Variants in LIMK1 observed in about 807,000 individuals in gnomAD.
The protein encoded by LIMK1 is LIM motif-containing protein kinase.
LIMK1 carries 21 observed loss-of-function variants against 77.6 expected under a neutral mutation model. The observed-to-expected ratio is 0.27, with a 90% confidence interval of 0.19 to 0.39. The LOEUF (loss-of-function observed/expected upper bound fraction) is 0.39, where lower values mean the gene tolerates loss of function less well. Among genes scored for constraint, LIMK1 ranks in the 10% least tolerant of loss-of-function variants. LIMK1 has a pLI of 1.00. For synonymous variants in LIMK1, 358 were observed against 370.0 expected (o/e 0.97, Z 0.37); for missense variants, 696 against 901.6 (o/e 0.77, Z 2.92).
chr7:74,091,115 G>A lies in LIMK1; in HGVS notation c.152+5271G>A, dbSNP rs561618653. Among the ~76,000 whole-genome samples, 7 of 152,104 alleles carry A rather than the reference G, an allele frequency of 4.6e-5. 1 individual carries two copies. In the South Asian group the frequency reaches 1.0e-3, roughly 23 times the overall value. On this transcript the variant is annotated intron_variant, in intron 2 of 15. Coordinates refer to ENST00000336180, the MANE Select transcript of LIMK1 (RefSeq NM_002314.4). ...GTTTGTTTGTATTTTTAGTACAGAC[G>A]AGGTTTCGCTGTGTGAGCCAGGATG... is the stretch of plus-strand genomic sequence containing the variant.
chr7:74,118,369 CTG>C (rs1214872763), intron 13 of LIMK1, among the ~76,000 whole-genome samples: 1 of 134,072 alleles, frequency 7.5e-6, no homozygotes, highest in Non-Finnish European at 1.6e-5. Context: ...GAGTGGGACT[CTG>C]TGTCAAACAC....
intron 13 of LIMK1, among the ~76,000 whole-genome samples, chr7:74,116,867 A>C (rs1799823733): frequency 6.6e-6 from 1 of 151,334 alleles, no homozygotes; most frequent in African/African-American, 2.4e-5. Context: ...ACACCCAGCT[A>C]ATTTTTTTAT....
chr7:74,116,861 C>A (rs782380720), intron 13 of LIMK1, among the ~76,000 whole-genome samples: 1 of 151,792 alleles, frequency 6.6e-6, no homozygotes, highest in Admixed American at 6.6e-5. Context: ...AACACCACAC[C>A]CAGCTAATTT....
intron 2 of LIMK1, 69 bp from the exon 3 acceptor site, chr7:74,096,553 C>A: frequency 6.3e-7 from 1 of 1,589,794 alleles, no homozygotes; most frequent in Non-Finnish European, 8.6e-7. Flanking sequence ...TGCCTGTAGC[C>A]GAGGCAGGGG....
rs71094754 is a variant in LIMK1 at position 74,102,484 on chromosome 7, C to CTTTTTTTTTTTTTT, written c.608+3251_608+3264dup. ...GATATTCTCAAAAGAAGGACCTTCT[C>CTTTTTTTTTTTTTT]TTTTTTTTTTTTTTTTTTGGAGACA... On this transcript the variant is annotated intron_variant, in intron 5 of 15. Transcript: ENST00000336180. Among the ~76,000 whole-genome samples, 38 of 54,058 alleles carry CTTTTTTTTTTTTTT rather than the reference C, an allele frequency of 7.0e-4. 11 individuals are homozygous for CTTTTTTTTTTTTTT. Among genetic ancestry groups the CTTTTTTTTTTTTTT allele is most frequent in the East Asian group, 7.9e-4 (1 of 1,262 alleles). The allele number at this position is 54,058 out of a possible 152,430, so 35.5% of individuals were successfully genotyped here.
At chr7:74,102,804 C>A (rs1584118087) in intron 5 of LIMK1, among the ~76,000 whole-genome samples, 3 of 151,894 alleles carry the variant, frequency 2.0e-5, no homozygotes, top group South Asian at 4.1e-4. Context: ...ATAGCAATCT[C>A]CCCCTCATCC....
intron 12 of LIMK1, among the ~76,000 whole-genome samples, chr7:74,114,839 T>C (rs1206434420): frequency 1.4e-5 from 2 of 146,330 alleles, no homozygotes; most frequent in Non-Finnish European, 3.0e-5. Context: ...GGCGTGAACC[T>C]GGGAGGCAGA....
chr7:74,114,711 C>A (rs1335891398), intron 12 of LIMK1, among the ~76,000 whole-genome samples: 1 of 150,604 alleles, frequency 6.6e-6, no homozygotes, highest in Non-Finnish European at 1.5e-5. Flanking sequence ...GTCAGGAGAT[C>A]GAGACCATCC....
intron 2 of LIMK1, among the ~76,000 whole-genome samples, chr7:74,093,519 C>T (rs1799278646): frequency 6.6e-6 from 1 of 152,210 alleles, no homozygotes; most frequent in Non-Finnish European, 1.5e-5. Flanking sequence ...GCTGTTTCTT[C>T]ACACCTGGTG....
intron 5 of LIMK1, among the ~76,000 whole-genome samples, chr7:74,102,432 A>G (rs1258471318): frequency 2.8e-5 from 4 of 144,424 alleles, no homozygotes; most frequent in Admixed American, 2.2e-4. Flanking sequence ...AGTTGCAGGG[A>G]TCATTGACTC....
At chr7:74,095,429 A>G (rs953751787) in intron 2 of LIMK1, among the ~76,000 whole-genome samples, 9 of 152,072 alleles carry the variant, frequency 5.9e-5, no homozygotes, top group Non-Finnish European at 1.2e-4. Flanking sequence ...TTTTTTAGAG[A>G]GAGGGTCTTG....
chr7:74,096,767 G>A lies in LIMK1; in HGVS notation c.291+7G>A, dbSNP rs375131796. The A allele has an allele frequency of 1.4e-5, 22 of 1,588,184 alleles. No homozygotes were observed. The highest frequency in any genetic ancestry group is 1.1e-4 in the African/African-American group (8 of 74,502). On this transcript the variant is annotated splice_region_variant and intron_variant, in intron 3 of 15. Transcript: ENST00000336180. ...CACCAAGGGACTGGTTATGGTGAGC[G>A]CCCCCTGCCTTGCACACTCACCTGG...
chr7:74,086,050 T>G (rs949469805), intron 2 of LIMK1, among the ~76,000 whole-genome samples: 1 of 151,970 alleles, frequency 6.6e-6, no homozygotes, highest in African/African-American at 2.4e-5. Flanking sequence ...ATTTATCTAT[T>G]TTTTTTTCTT....
Position 74,107,020 on chromosome 7 carries a change from A to T in LIMK1, c.892A>T (p.Ser298Cys). ...ARQKPVLRSC[S>C]IDRSPGAGSL... ...ATGTGTGCCCCCCAGGAGGAGCTGC[A>T]GCATCGACAGGTCTCCGGGCGCTGG... The change falls in exon 8 of 16, where the codon AGC becomes TGC. Residue 298 changes from serine to cysteine, a missense_variant. By Grantham distance (112) the Ser-to-Cys change is moderately radical (BLOSUM62 -1). Around this residue, in one of 3 missense-constraint regions of LIMK1, gnomAD observed 438 missense variants for 602.3 expected, o/e 0.73. Transcript: ENST00000336180. 1 of 1,588,770 alleles carries T rather than the reference A, an allele frequency of 6.3e-7. No individual in the cohort carries two copies. Among genetic ancestry groups the T allele is most frequent in the African/African-American group, 1.3e-5 (1 of 74,574 alleles).
intron 5 of LIMK1, among the ~76,000 whole-genome samples, chr7:74,103,147 C>T (rs1381214186): frequency 1.3e-5 from 2 of 152,124 alleles, no homozygotes; most frequent in African/African-American, 4.8e-5. Flanking sequence ...GGTTTACAGG[C>T]ATGAGCCACT....
Position 74,099,117 on chromosome 7 carries a change from G to T in LIMK1, c.487G>T (p.Val163Phe). Residue 163 changes from valine (V) to phenylalanine (F), a missense_variant, in exon 5 of 16, where the codon GTC becomes TTC. This residue lies in a region of LIMK1 where 252 missense variants were observed against 279.4 expected (regional missense o/e 0.90). Coordinates refer to ENST00000336180, the MANE Select transcript of LIMK1 (RefSeq NM_002314.4). The part of the protein sequence containing the change: ...DSPGSHLPHT[V>F]TLVSIPASSH... ...CCCTGGCTCCCACCTGCCCCACACC[G>T]TCACCCTGGTGTCCATCCCAGCCTC... is the stretch of plus-strand genomic sequence containing the variant. 6.2e-7 allele frequency: 1 copy of T among 1,613,544 alleles called. No homozygotes were observed. The highest frequency in any genetic ancestry group is 8.5e-7 in the Non-Finnish European group (1 of 1,179,976).
intron 2 of LIMK1, among the ~76,000 whole-genome samples, chr7:74,095,183 G>C (rs1212718542): frequency 6.6e-6 from 1 of 152,096 alleles, no homozygotes; most frequent in African/African-American, 2.4e-5. Flanking sequence ...ATCTCATCCA[G>C]GTCCCAGTCT....
chr7:74,115,752 C>T (rs868951280), intron 12 of LIMK1, 50 bp from the exon 13 acceptor site: 17 of 1,588,586 alleles, frequency 1.1e-5, no homozygotes, highest in South Asian at 2.3e-5. Flanking sequence ...GCAGGCCAAG[C>T]GGGCAGTACT....
Position 74,115,880 on chromosome 7 carries a change from A to C in LIMK1, c.1489A>C (p.Ser497Arg). The C allele has an allele frequency of 1.2e-6, 2 of 1,614,160 alleles. No individual in the cohort carries two copies. The highest frequency in any genetic ancestry group is 1.3e-5 in the African/African-American group (1 of 75,046). The change falls in exon 13 of 16, where the codon AGC (serine) becomes CGC (arginine). Residue 497 changes from serine to arginine, a missense_variant. By Grantham distance (110) the Ser-to-Arg change is moderately radical. This residue lies in a region of LIMK1 where 438 missense variants were observed against 602.3 expected (regional missense o/e 0.73). Transcript: ENST00000336180. ...DEKTQPEGLR[S>R]LKKPDRKKRY... Reference sequence around the variant, plus strand: ...GAAGACTCAGCCTGAGGGCCTGCGGAGCCTCAAGAAGCCAGACCGCAAGAA... The same window carrying C: ...GAAGACTCAGCCTGAGGGCCTGCGGCGCCTCAAGAAGCCAGACCGCAAGAA...
Sources: allele counts gnomAD v4.1 joint callset (sites outside exome capture counted in the v4.1 genomes callset), GRCh38; gene constraint gnomAD v4.1.1; regional missense constraint gnomAD v4.1.1; transcripts MANE v1.5; gene names NCBI Gene and HGNC (gene_info 2026-07-23, HGNC 2026-07-21).